ADGRV1: variants seen among roughly 807,000 people sequenced by gnomAD.
ADGRV1 encodes adhesion G protein-coupled receptor V1, also known as G-protein coupled receptor 98.
ADGRV1 carries 359 observed loss-of-function variants against 596.2 expected under a neutral mutation model. The ratio of observed to expected loss-of-function variants is 0.60; its 90% confidence interval spans 0.55 to 0.66. ADGRV1 has a LOEUF of 0.66. Ranked by LOEUF, ADGRV1 falls within the 30% of genes least tolerant of loss-of-function variation. ADGRV1 has a pLI of 0.00. For missense variants in ADGRV1, 7,274 were observed against 7,575.6 expected, an observed-to-expected ratio of 0.96 and a Z score of 1.48; for synonymous variants, 2,681 against 2,679.2, an observed-to-expected ratio of 1.00 and a Z score of -0.02.
chr5:90,810,930 C>T lies in ADGRV1; in HGVS notation c.15670C>T (p.Pro5224Ser). 6.2e-7 allele frequency: 1 copy of T among 1,613,970 alleles called. No individual in the cohort carries two copies. Among genetic ancestry groups the T allele is most frequent in the Non-Finnish European group, 8.5e-7 (1 of 1,179,890 alleles). ...VSIHGTFSLG[P>S]SIVYIEEEMK... is the part of the protein sequence containing the mutation. ...CATTCATGGAACATTCAGCCTTGGG[C>T]CATCCATTGTTTATATTGAAGAGGA... Residue 5224 changes from proline (P) to serine (S), a missense_variant, in exon 74 of 90, where the codon CCA (proline) becomes TCA (serine). Physicochemically the swap from Pro to Ser is moderately conservative, Grantham distance 74 (BLOSUM62 -1). This residue lies in a region of ADGRV1 where 1,874 missense variants were observed against 1,970.2 expected (regional missense o/e 0.95). Coordinates refer to ENST00000405460, the MANE Select transcript of ADGRV1 (RefSeq NM_032119.4).
intron 5 of ADGRV1, among the ~76,000 whole-genome samples, chr5:90,623,069 G>A (rs1318408947): frequency 1.3e-5 from 2 of 152,054 alleles, no homozygotes; most frequent in African/African-American, 4.8e-5. Context: ...CGAACACTGG[G>A]GTTCATACCA....
At chr5:90,820,649 G>A (rs1430776275) in intron 75 of ADGRV1, among the ~76,000 whole-genome samples, 24 of 150,174 alleles carry the variant, frequency 1.6e-4, no homozygotes, top group Non-Finnish European at 3.3e-4. Context: ...TGTCTGTAAA[G>A]TATTTTATTT....
intron 87 of ADGRV1, among the ~76,000 whole-genome samples, chr5:91,121,067 G>T (rs974733753): frequency 6.6e-6 from 1 of 152,196 alleles, no homozygotes; most frequent in South Asian, 2.1e-4. Flanking sequence ...CCAGCTACTC[G>T]GGAGGCTGAG....
chr5:90,602,302 G>A (rs1027181578), intron 1 of ADGRV1, among the ~76,000 whole-genome samples: 1 of 152,156 alleles, frequency 6.6e-6, no homozygotes, highest in Non-Finnish European at 1.5e-5. Flanking sequence ...TTTCGAAAGG[G>A]GAGAGGGGTG....
chr5:90,998,184 G>A (rs909819523), intron 85 of ADGRV1, among the ~76,000 whole-genome samples: 3 of 152,104 alleles, frequency 2.0e-5, no homozygotes, highest in African/African-American at 7.2e-5. Context: ...CTACCAACCT[G>A]AGTTAGGAGC....
intron 83 of ADGRV1, among the ~76,000 whole-genome samples, chr5:90,959,868 A>G (rs7704653): frequency 0.75 from 114,514 of 152,068 alleles, 43,741 homozygotes; most frequent in African/African-American, 0.87. Context: ...GTCTGGGCGC[A>G]GTGGCTCACG....
chr5:91,130,746 G>A (rs1249154903), intron 87 of ADGRV1, among the ~76,000 whole-genome samples: 1 of 152,100 alleles, frequency 6.6e-6, no homozygotes, highest in East Asian at 1.9e-4. Flanking sequence ...TGAACATAGT[G>A]CCCTATAAGT....
At position 90,629,497 on chromosome 5, in the gene ADGRV1, A is replaced by T. The variant is rs200058876; in HGVS notation, c.1797A>T (p.Arg599Ser). The change falls in exon 9 of 90, where the codon AGA becomes AGT. Residue 599 changes from arginine (R) to serine (S), a missense_variant. This residue lies in a region of ADGRV1 where 1,715 missense variants were observed against 1,708.8 expected (regional missense o/e 1.00). Coordinates refer to ENST00000405460, the MANE Select transcript of ADGRV1 (RefSeq NM_032119.4). ...AAGTCACTACAAAATTACCAATAAG[A>T]AATGATGCATTCCTTCAAAATGGAG... is the stretch of plus-strand genomic sequence containing the variant. ...KTQVTTKLPI[R>S]NDAFLQNGAH... The T allele has an allele frequency of 7.1e-5, 115 of 1,613,168 alleles. No homozygotes were observed. The East Asian group carries it at 2.2e-3, about 31-fold the overall frequency.
At chr5:91,033,356 A>G (rs1784628796) in intron 85 of ADGRV1, among the ~76,000 whole-genome samples, 1 of 152,142 alleles carries the variant, frequency 6.6e-6, no homozygotes, top group African/African-American at 2.4e-5. Context: ...ACGGGGTCCT[A>G]CATGATTTAA....
At chr5:90,856,790 AC>A (rs1207253819) in intron 82 of ADGRV1, among the ~76,000 whole-genome samples, 1 of 152,124 alleles carries the variant, frequency 6.6e-6, no homozygotes, top group Non-Finnish European at 1.5e-5. Flanking sequence ...CATTTTTCCC[AC>A]CCATGATATT....
At chr5:90,947,276 T>G (rs1776659514) in intron 83 of ADGRV1, among the ~76,000 whole-genome samples, 1 of 152,186 alleles carries the variant, frequency 6.6e-6, no homozygotes, top group Non-Finnish European at 1.5e-5. Flanking sequence ...GTTGGCCACA[T>G]AAATGTCTTC....
intron 9 of ADGRV1, among the ~76,000 whole-genome samples, chr5:90,630,772 CT>C (rs1424913668): frequency 6.6e-6 from 1 of 152,084 alleles, no homozygotes; most frequent in Admixed American, 6.5e-5. Context: ...TTATTCCTTT[CT>C]CTGGAGTTTC....
rs763459452 is a variant in ADGRV1 at position 90,690,906 on chromosome 5, G to A, written c.6816G>A (p.Trp2272Ter). The A allele has an allele frequency of 6.2e-7, 1 of 1,613,752 alleles. No individual in the cohort carries two copies. The highest frequency in any genetic ancestry group is 8.5e-7 in the Non-Finnish European group (1 of 1,179,786). The change falls in exon 31 of 90, where the codon TGG (tryptophan) becomes TGA (stop). Residue 2272 changes from tryptophan (W) to a stop codon, truncating the protein, a stop_gained. Coordinates refer to ENST00000405460, the MANE Select transcript of ADGRV1 (RefSeq NM_032119.4). LOFTEE classifies it high-confidence loss of function. ...SGTLGNVTVQ[W>*]VATINGQLAT... ...CACTCGGCAATGTTACTGTTCAGTGGGTTGCCACCATTAATGGACAGCTTG... is the reference window on the plus strand; with the variant it reads ...CACTCGGCAATGTTACTGTTCAGTGAGTTGCCACCATTAATGGACAGCTTG...
intron 83 of ADGRV1, among the ~76,000 whole-genome samples, chr5:90,883,223 A>G (rs1311399919): frequency 6.6e-6 from 1 of 152,166 alleles, no homozygotes; most frequent in Non-Finnish European, 1.5e-5. Context: ...AGATAATACT[A>G]AAAATTACAT....
At chr5:91,070,351 A>G (rs187130115) in intron 85 of ADGRV1, among the ~76,000 whole-genome samples, 34 of 152,324 alleles carry the variant, frequency 2.2e-4, no homozygotes, top group Admixed American at 5.9e-4. Flanking sequence ...GATTCCTTCT[A>G]AACAGGCTAT....
chr5:90,945,498 A>T (rs544560579), intron 83 of ADGRV1, among the ~76,000 whole-genome samples: 7 of 152,286 alleles, frequency 4.6e-5, no homozygotes, highest in African/African-American at 1.7e-4. Flanking sequence ...GGCATTGGCC[A>T]ATCCAGGGCT....
At chr5:90,965,351 ACTTT>A in intron 83 of ADGRV1, 60 bp from the exon 84 acceptor site, 1 of 1,020,672 alleles carries the variant, frequency 9.8e-7, no homozygotes, top group Non-Finnish European at 1.5e-6. Context: ...AAAGCAGTTT[ACTTT>A]CTTAATATTC....
chr5:90,818,428 C>G (rs1247763456), intron 75 of ADGRV1, among the ~76,000 whole-genome samples: 1 of 150,096 alleles, frequency 6.7e-6, no homozygotes, highest in Non-Finnish European at 1.5e-5. Context: ...CCTAATTGCC[C>G]TGGCCAGAAC....
chr5:90,909,637 G>A (rs972940098), intron 83 of ADGRV1, among the ~76,000 whole-genome samples: 1 of 152,182 alleles, frequency 6.6e-6, no homozygotes, highest in Non-Finnish European at 1.5e-5. Context: ...AAAAAAGAGA[G>A]AGAGAGACAG....
Sources: gnomAD v4.1 joint callset for allele counts (sites outside exome capture counted in the v4.1 genomes callset) on GRCh38, gnomAD v4.1.1 for gene constraint, gnomAD v4.1.1 regional missense constraint, MANE v1.5 for transcripts, NCBI Gene and HGNC (gene_info 2026-07-23, HGNC 2026-07-21) for gene names.